The following CFAP54 variants were observed in gnomAD, a reference collection of about 807,000 sequenced individuals.
The protein encoded by CFAP54 is cilia- and flagella-associated protein 54.
CFAP54 carries 290 observed loss-of-function variants against 370.4 expected under a neutral mutation model. The observed-to-expected ratio is 0.78, with a 90% confidence interval of 0.71 to 0.86. The LOEUF (loss-of-function observed/expected upper bound fraction) is 0.86, where lower values mean the gene tolerates loss of function less well. Among genes scored for constraint, CFAP54 ranks in the 40% least tolerant of loss-of-function variants. The pLI is 0.00. For missense variants in CFAP54, 3,399 were observed against 3,528.7 expected, an observed-to-expected ratio of 0.96 and a Z score of 0.93; for synonymous variants, 1,206 against 1,236.5, an observed-to-expected ratio of 0.98 and a Z score of 0.52.
chr12:96,573,141 T>C, intron 19 of CFAP54: 1 of 706,630 alleles, frequency 1.4e-6, no homozygotes, highest in Non-Finnish European at 1.7e-6. Flanking sequence ...AGGAAGGATA[T>C]GTCTCCAAAT....
At chr12:96,854,762 C>T (rs1016877651) in intron 66 of CFAP54, among the ~76,000 whole-genome samples, 1 of 151,986 alleles carries the variant, frequency 6.6e-6, no homozygotes, top group African/African-American at 2.4e-5. Context: ...CTCATTTAAT[C>T]CTTGTAACAA....
intron 39 of CFAP54, among the ~76,000 whole-genome samples, chr12:96,669,505 T>C (rs997738830): frequency 3.3e-5 from 5 of 152,042 alleles, no homozygotes; most frequent in African/African-American, 1.2e-4. Context: ...GTGGTCAGCA[T>C]AGAGGAGGGG....
intron 60 of CFAP54, among the ~76,000 whole-genome samples, chr12:96,779,216 C>T (rs191648027): frequency 4.6e-5 from 7 of 152,150 alleles, no homozygotes; most frequent in South Asian, 4.2e-4. Flanking sequence ...ATAAGACCAG[C>T]GCCCCAGAAG....
intron 44 of CFAP54, among the ~76,000 whole-genome samples, chr12:96,692,637 A>T (rs1430068115): frequency 1.3e-5 from 2 of 152,184 alleles, no homozygotes; most frequent in East Asian, 3.8e-4. Context: ...ATCATTTAAG[A>T]CCAGTTCTAA....
At position 96,621,875 on chromosome 12, in the gene CFAP54, G is replaced by GTT. The variant is rs71068819; in HGVS notation, c.3771+185_3771+186dup. On this transcript the variant is annotated intron_variant, in intron 27 of 67. Transcript: ENST00000524981. ...ATTATAGTAAAGAGCTTTTGGGTTTGTTTTTTTTTTTTTTTTTTTTTTTTT... is the reference window on the plus strand; with the variant it reads ...ATTATAGTAAAGAGCTTTTGGGTTTGTTTTTTTTTTTTTTTTTTTTTTTTTTT... 4.0e-3 allele frequency among the ~76,000 whole-genome samples: 199 copies of GTT among 50,036 alleles called. 15 individuals are homozygous for GTT. Among genetic ancestry groups the GTT allele is most frequent in the African/African-American group, 9.9e-3 (115 of 11,610 alleles). 32.8% of individuals were successfully genotyped at this position (50,036 alleles called of 152,430 possible).
At chr12:96,501,559 A>G (rs1047027495) in intron 2 of CFAP54, among the ~76,000 whole-genome samples, 1 of 152,226 alleles carries the variant, frequency 6.6e-6, no homozygotes, top group African/African-American at 2.4e-5. Flanking sequence ...AGACCACAGC[A>G]TGGCTGGGTT....
At position 96,500,929 on chromosome 12, in the gene CFAP54, G is replaced by A. The variant is rs1231605578; in HGVS notation, c.413G>A (p.Cys138Tyr). 6.5e-7 allele frequency: 1 copy of A among 1,532,888 alleles called. No individual in the cohort carries two copies. The allele number at this position is 1,532,888 out of a possible 1,614,324, so 95.0% of individuals were successfully genotyped here. The change falls in exon 2 of 68, where the codon TGT becomes TAT. Residue 138 changes from cysteine to tyrosine, a missense_variant. Transcript: ENST00000524981. ...EKLLKVGDSL[C>Y]QMKEYKLALL... The stretch of plus-strand genomic sequence containing the variant: ...CTTCTGAAGGTTGGAGATAGCCTTT[G>A]TCAAATGAAAGTAAGTGCCTCTGCA...
intron 32 of CFAP54, among the ~76,000 whole-genome samples, chr12:96,632,483 T>C (rs1220839339): frequency 2.0e-5 from 3 of 152,170 alleles, no homozygotes; most frequent in East Asian, 1.9e-4. Context: ...AGGTATTCAG[T>C]TGGCCGGCAC....
At chr12:96,773,828 A>G (rs1958488808) in intron 60 of CFAP54, among the ~76,000 whole-genome samples, 1 of 152,180 alleles carries the variant, frequency 6.6e-6, no homozygotes, top group African/African-American at 2.4e-5. Context: ...ATACATTTGT[A>G]TCATTTTGTA....
chr12:96,653,300 T>C (rs1956883016), intron 36 of CFAP54, among the ~76,000 whole-genome samples: 1 of 152,224 alleles, frequency 6.6e-6, no homozygotes, highest in South Asian at 2.1e-4. Flanking sequence ...ACAACTGTGG[T>C]ACCGTAAACC....
At chr12:96,789,279 T>TCCC (rs1311429047) in intron 62 of CFAP54, among the ~76,000 whole-genome samples, 1 of 152,022 alleles carries the variant, frequency 6.6e-6, no homozygotes, top group Non-Finnish European at 1.5e-5. Flanking sequence ...CGAGTAACAC[T>TCCC]CCCCCATGGG....
chr12:96,873,388 AT>A (rs1212467421), intron 67 of CFAP54, among the ~76,000 whole-genome samples: 2 of 152,218 alleles, frequency 1.3e-5, no homozygotes, highest in Admixed American at 6.5e-5. Context: ...ACTAAAGGAA[AT>A]TTATTTGTTC....
At chr12:96,586,313 A>G (rs117114380) in intron 22 of CFAP54, among the ~76,000 whole-genome samples, 1,664 of 152,288 alleles carry the variant, frequency 0.011, 14 homozygotes, top group Middle Eastern at 0.02. Flanking sequence ...AGCAACGTGA[A>G]CAGAATGCCA....
intron 63 of CFAP54, among the ~76,000 whole-genome samples, chr12:96,798,835 G>A (rs1958791612): frequency 6.6e-6 from 1 of 152,010 alleles, no homozygotes; most frequent in Non-Finnish European, 1.5e-5. Flanking sequence ...ATTATTTAAA[G>A]GCACCTTTAA....
chr12:96,862,165 G>A (rs771469273), intron 67 of CFAP54, among the ~76,000 whole-genome samples: 1 of 152,036 alleles, frequency 6.6e-6, no homozygotes, highest in Admixed American at 6.5e-5. Context: ...CTAAAGTCTG[G>A]GAAAAGCGAA....
chr12:96,673,953 C>T (rs1271902202), intron 39 of CFAP54, among the ~76,000 whole-genome samples: 3 of 152,136 alleles, frequency 2.0e-5, no homozygotes, highest in Non-Finnish European at 4.4e-5. Context: ...GTGAGAACAC[C>T]TCACTTTATA....
intron 4 of CFAP54, 43 bp from the exon 5 acceptor site, chr12:96,512,943 C>T (rs1484273544): frequency 3.8e-6 from 5 of 1,300,928 alleles, no homozygotes; most frequent in South Asian, 1.5e-5. Context: ...AAATTTCTAT[C>T]ATTTGACTGT....
intron 15 of CFAP54, among the ~76,000 whole-genome samples, chr12:96,550,875 A>G (rs1565893624): frequency 6.6e-6 from 1 of 152,200 alleles, no homozygotes; most frequent in Non-Finnish European, 1.5e-5. Flanking sequence ...CAGGGACAAG[A>G]GATGAGGCTT....
chr12:96,687,203 G>A (rs948027941), intron 42 of CFAP54, among the ~76,000 whole-genome samples: 1 of 151,994 alleles, frequency 6.6e-6, no homozygotes, highest in Non-Finnish European at 1.5e-5. Context: ...AAGGGCCATC[G>A]TGACGATCCA....
Sources: gnomAD v4.1 joint callset for allele counts (sites outside exome capture counted in the v4.1 genomes callset) on GRCh38, gnomAD v4.1.1 for gene constraint, MANE v1.5 for transcripts, NCBI Gene and HGNC (gene_info 2026-07-23, HGNC 2026-07-21) for gene names.